PREX2: variants seen among roughly 807,000 people sequenced by gnomAD.
PREX2 encodes the protein phosphatidylinositol 3,4,5-trisphosphate-dependent Rac exchanger 2 protein.
In PREX2, 107 loss-of-function variants were observed where a neutral mutation model predicts 203.2. The ratio of observed to expected loss-of-function variants is 0.53; its 90% CI spans 0.45 to 0.62. PREX2 has a LOEUF of 0.62. Among genes scored for constraint, PREX2 ranks in the 20% least tolerant of loss-of-function variants. The pLI is 0.00. For missense variants in PREX2, 1,777 were observed against 1,955.9 expected, an observed-to-expected ratio of 0.91 and a Z score of 1.72; for synonymous variants, 672 against 663.6, an observed-to-expected ratio of 1.01 and a Z score of -0.19.
chr8:68,024,036 G>A lies in PREX2; in HGVS notation c.441+1896G>A, dbSNP rs574335233. Among the ~76,000 whole-genome samples the A allele has an allele frequency of 7.2e-5, 11 of 152,032 alleles. No homozygotes were observed. The East Asian group carries it at 9.6e-4, about 13-fold the overall frequency. Reference sequence around the variant, plus strand: ...AGTGGTAAGAGTGGGCACACCTGCCGTGTTTCTGATCTCAGTAGGAAAACA... The same window carrying A: ...AGTGGTAAGAGTGGGCACACCTGCCATGTTTCTGATCTCAGTAGGAAAACA... On this transcript the variant is annotated intron_variant, in intron 4 of 39. Coordinates refer to ENST00000288368, the MANE Select transcript of PREX2 (RefSeq NM_024870.4).
rs191593786 is a variant in PREX2 at position 68,092,824 on chromosome 8, T to C, written c.2251-781T>C. ...CCCTCTCACAATTGTTTTATTTTGT[T>C]GTCTTATTAAAAAGAGATGGGGTCT... On this transcript the variant is annotated intron_variant, in intron 20 of 39. Transcript: ENST00000288368. Among the ~76,000 whole-genome samples the C allele has an allele frequency of 1.1e-4, 16 of 152,286 alleles. No individual in the cohort carries two copies. The East Asian group carries it at 2.7e-3, about 26-fold the overall frequency.
At chr8:68,113,218 G>A (rs1191672487) in intron 25 of PREX2, among the ~76,000 whole-genome samples, 2 of 152,082 alleles carry the variant, frequency 1.3e-5, no homozygotes, top group African/African-American at 2.4e-5. Context: ...CTTGTCCCAC[G>A]GGGTCAATGC....
intron 33 of PREX2, among the ~76,000 whole-genome samples, chr8:68,138,935 C>T (rs1296102972): frequency 2.0e-5 from 3 of 152,048 alleles, no homozygotes; most frequent in Non-Finnish European, 4.4e-5. Flanking sequence ...TCCTAATGTC[C>T]AGTACAATAA....
chr8:68,236,274 A>T lies in PREX2; in HGVS notation c.*4896A>T, dbSNP rs2129615791. 6.6e-6 allele frequency: 1 copy of T among 152,314 alleles called. No homozygotes were observed. The highest frequency in any genetic ancestry group is 1.9e-4 in the East Asian group (1 of 5,186). The allele number at this position is 152,314 out of a possible 1,614,324, so 9.4% of individuals were successfully genotyped here. A position where few individuals can be genotyped will look rare whatever the true frequency, so the allele number is the denominator to read the frequency against. On this transcript the variant is annotated 3_prime_UTR_variant, in exon 40 of 40. Transcript: ENST00000288368. ...TGTTAAATTTTAAAATTGCATTTCT[A>T]CTAGAAATAGCTTTGGAGAGTTAAT...
At chr8:68,066,626 G>A (rs180816119) in intron 11 of PREX2, among the ~76,000 whole-genome samples, 461 of 152,084 alleles carry the variant, frequency 3.0e-3, no homozygotes, top group Non-Finnish European at 5.2e-3. Flanking sequence ...GCCTCCTACT[G>A]AATATATGGT....
intron 37 of PREX2, among the ~76,000 whole-genome samples, chr8:68,204,981 C>G (rs773678931): frequency 2.0e-4 from 31 of 152,120 alleles, no homozygotes; most frequent in Non-Finnish European, 4.0e-4. Context: ...ACGCCCGGCC[C>G]CCTCTGCTTT....
chr8:68,109,215 A>G (rs1218056155), intron 24 of PREX2, among the ~76,000 whole-genome samples: 3 of 152,194 alleles, frequency 2.0e-5, no homozygotes, highest in African/African-American at 4.8e-5. Context: ...CACCAACATG[A>G]TAACTATGTG....
Position 67,997,965 on chromosome 8 carries a change from G to T in PREX2, c.142-19881G>T, listed in dbSNP as rs545635426. ...ATTTTTATCGTGGTATTTTTAAAAA[G>T]TTTTACCTTCTATTCATTTGTTCAC... On this transcript the variant is annotated intron_variant, in intron 1 of 39. Coordinates refer to ENST00000288368, the MANE Select transcript of PREX2 (RefSeq NM_024870.4). Among the ~76,000 whole-genome samples the T allele has an allele frequency of 1.3e-3, 201 of 152,138 alleles. 1 individual carries two copies. Among genetic ancestry groups the T allele is most frequent in the African/African-American group, 4.6e-3 (192 of 41,510 alleles).
Position 68,060,797 on chromosome 8 carries a change from A to T in PREX2, c.1339+18A>T. The T allele has an allele frequency of 6.7e-7, 1 of 1,497,344 alleles. No individual in the cohort carries two copies. The highest frequency in any genetic ancestry group is 1.7e-4 in the Middle Eastern group (1 of 5,776). The allele number at this position is 1,497,344 out of a possible 1,614,324, so 92.8% of individuals were successfully genotyped here. ...TCACCATGGTAATTACTTTATTATT[A>T]ATTACTTATTTAATGCATTTATTGG... On this transcript the variant is annotated intron_variant, in intron 11 of 39. Transcript: ENST00000288368.
chr8:68,097,578 G>A lies in PREX2; in HGVS notation c.2553+377G>A, dbSNP rs565224321. On this transcript the variant is annotated intron_variant, in intron 22 of 39. Transcript: ENST00000288368. The stretch of plus-strand genomic sequence containing the variant: ...GACCTCAAGTGATCCAGCTACTTTG[G>A]CATTCCAAAGTGCTGGGATTGCAGG... Among the ~76,000 whole-genome samples, 5 of 152,336 alleles carry A rather than the reference G, an allele frequency of 3.3e-5. 1 individual carries two copies. The South Asian group carries it at 1.0e-3, about 32-fold the overall frequency.
chr8:68,198,530 T>G (rs929051780), intron 37 of PREX2, among the ~76,000 whole-genome samples: 5 of 152,244 alleles, frequency 3.3e-5, no homozygotes, highest in African/African-American at 1.2e-4. Context: ...GTGTTTTAAT[T>G]TGTTTTGGTT....
At chr8:68,197,066 G>A (rs750456936) in intron 37 of PREX2, among the ~76,000 whole-genome samples, 6 of 152,066 alleles carry the variant, frequency 3.9e-5, no homozygotes, top group Non-Finnish European at 4.4e-5. Flanking sequence ...TTCCAAGATA[G>A]TACCTTGAAC....
In PREX2 at chr8:68,114,152, G is replaced by A. The variant is rs879115569; in HGVS notation, c.3147-1601G>A. ...GCTGGGATTACAGGCATGAGCCACC[G>A]CGCCCGGCCCTTTTGTGTGTTTTAT... On this transcript the variant is annotated intron_variant, in intron 25 of 39. Transcript: ENST00000288368. Among the ~76,000 whole-genome samples, 15 of 152,170 alleles carry A rather than the reference G, an allele frequency of 9.9e-5. No homozygotes were observed. The South Asian group carries it at 2.1e-3, about 21-fold the overall frequency.
At chr8:68,128,917 A>G (rs530620509) in intron 31 of PREX2, among the ~76,000 whole-genome samples, 1 of 152,284 alleles carries the variant, frequency 6.6e-6, no homozygotes, top group East Asian at 1.9e-4. Context: ...TTATTTGTCC[A>G]TTGGTTTTTT....
intron 19 of PREX2, among the ~76,000 whole-genome samples, chr8:68,090,010 T>C (rs1259009034): frequency 1.3e-5 from 2 of 152,218 alleles, no homozygotes; most frequent in African/African-American, 4.8e-5. Context: ...ATCTCATTAA[T>C]TCTGTTCTCT....
chr8:68,068,928 T>A (rs1022923693), intron 11 of PREX2, 105 bp from the exon 12 acceptor site: 1 of 465,446 alleles, frequency 2.1e-6, no homozygotes, highest in Admixed American at 4.3e-5. Flanking sequence ...TTTGTAAAAC[T>A]AAAAGTTTTA....
intron 35 of PREX2, among the ~76,000 whole-genome samples, chr8:68,182,168 A>C (rs1460350904): frequency 6.6e-6 from 1 of 152,150 alleles, no homozygotes; most frequent in Non-Finnish European, 1.5e-5. Context: ...CTAGTGCAAA[A>C]GTATATAAGC....
At chr8:68,076,727 G>T (rs1364362178) in intron 14 of PREX2, among the ~76,000 whole-genome samples, 1 of 109,098 alleles carries the variant, frequency 9.2e-6, no homozygotes, top group Non-Finnish European at 2.0e-5. Flanking sequence ...ACACACACAT[G>T]CATGTTCATA....
At chr8:68,206,615 C>A (rs1413622906) in intron 37 of PREX2, among the ~76,000 whole-genome samples, 1 of 152,118 alleles carries the variant, frequency 6.6e-6, no homozygotes, top group Non-Finnish European at 1.5e-5. Context: ...CCCTTGAATT[C>A]AAGACTAGGG....
Sources: allele counts gnomAD v4.1 joint callset (sites outside exome capture counted in the v4.1 genomes callset), GRCh38; gene constraint gnomAD v4.1.1; transcripts MANE v1.5; gene names NCBI Gene and HGNC (gene_info 2026-07-23, HGNC 2026-07-21).